TRIP12: variants seen among roughly 807,000 people sequenced by gnomAD.
TRIP12 encodes the protein thyroid hormone receptor interactor 12.
Under a neutral mutation model 244.2 loss-of-function variants are expected in TRIP12, and 25 were observed. The observed-to-expected ratio is 0.10, with a 90% CI of 0.07 to 0.14. The LOEUF (loss-of-function observed/expected upper bound fraction) is 0.14, where lower values mean the gene tolerates loss of function less well. Among genes scored for constraint, TRIP12 ranks in the 10% least tolerant of loss-of-function variants. The pLI, the probability that TRIP12 is intolerant of heterozygous loss-of-function variation, is 1.00. For synonymous variants in TRIP12, 905 were observed against 873.1 expected (o/e 1.04, Z -0.64); for missense variants, 1,677 against 2,486.4 (o/e 0.67, Z 6.92).
chr2:229,836,853 G>T lies in TRIP12; in HGVS notation c.1265C>A (p.Ala422Asp). 1 of 1,588,868 alleles carries T rather than the reference G, an allele frequency of 6.3e-7. No homozygotes were observed. Among genetic ancestry groups the T allele is most frequent in the Non-Finnish European group, 8.5e-7 (1 of 1,172,406 alleles). ...GCTAAGAAGTACCAATCTACCTGCA[G>T]CTCCTTGGGGAGCTTCATCTGTCCG... ...AARTDEAPQG[A>D]AASSSVAGAV... is the part of the protein sequence containing the mutation. The change falls in exon 6 of 42, where the codon GCT (alanine) becomes GAT (aspartate). Residue 422 changes from alanine (A) to aspartate (D), a missense_variant. Ala to Asp is a moderately radical substitution (Grantham distance 126). Around this residue, in one of 11 missense-constraint regions of TRIP12, gnomAD observed 143 missense variants for 215.6 expected, o/e 0.66. Coordinates refer to ENST00000675903, the MANE Select transcript of TRIP12 (RefSeq NM_001348323.3).
intron 39 of TRIP12, 22 bp from the exon 40 acceptor site, chr2:229,769,347 A>G: frequency 1.2e-6 from 2 of 1,610,192 alleles, no homozygotes; most frequent in Non-Finnish European, 1.7e-6. Context: ...AATAAGGGTA[A>G]AAAGAATTAC....
At chr2:229,864,850 C>T (rs774858790) in intron 2 of TRIP12, among the ~76,000 whole-genome samples, 13 of 152,120 alleles carry the variant, frequency 8.5e-5, no homozygotes, top group East Asian at 1.9e-4. Context: ...GGTTATGAAG[C>T]CTCAAATGCC....
intron 1 of TRIP12, among the ~76,000 whole-genome samples, chr2:229,912,670 T>C (rs1452525790): frequency 6.6e-6 from 1 of 152,212 alleles, no homozygotes; most frequent in Non-Finnish European, 1.5e-5. Flanking sequence ...ACCCACTGTA[T>C]AAAACTCGAT....
rs932315328 is a variant in TRIP12 at position 229,802,336 on chromosome 2, G to A, written c.3122C>T (p.Thr1041Ile). The A allele has an allele frequency of 5.6e-6, 9 of 1,613,576 alleles. No individual in the cohort carries two copies. The highest frequency in any genetic ancestry group is 7.6e-6 in the Non-Finnish European group (9 of 1,179,882). The change falls in exon 21 of 42, where the codon ACA becomes ATA. Residue 1041 changes from threonine (T) to isoleucine (I), a missense_variant. Around this residue, in one of 11 missense-constraint regions of TRIP12, gnomAD observed 572 missense variants for 867.8 expected, o/e 0.66. Coordinates refer to ENST00000675903, the MANE Select transcript of TRIP12 (RefSeq NM_001348323.3). ...STTSVSSGTA[T>I]AATHAAADLG... ...GTCAGCTGCAGCATGAGTGGCAGCT[G>A]TGGCTGTCCCACTGCTGACTGAAGT...
intron 27 of TRIP12, among the ~76,000 whole-genome samples, chr2:229,792,466 A>G (rs2041781088): frequency 6.6e-6 from 1 of 152,224 alleles, no homozygotes; most frequent in South Asian, 2.1e-4. Flanking sequence ...CAATTCATTT[A>G]TATCTCATAT....
At chr2:229,816,814 T>C (rs566877282) in intron 9 of TRIP12, among the ~76,000 whole-genome samples, 2 of 152,284 alleles carry the variant, frequency 1.3e-5, no homozygotes, top group South Asian at 2.1e-4. Flanking sequence ...ACAATAACAA[T>C]AAAACAAATG....
chr2:229,865,906 A>G (rs1296508464), intron 2 of TRIP12, among the ~76,000 whole-genome samples: 1 of 152,194 alleles, frequency 6.6e-6, no homozygotes, highest in Non-Finnish European at 1.5e-5. Flanking sequence ...ACACTGAAAC[A>G]CTAGCCCAAA....
At chr2:229,831,818 C>T (rs2053467124) in intron 6 of TRIP12, among the ~76,000 whole-genome samples, 1 of 149,962 alleles carries the variant, frequency 6.7e-6, no homozygotes, top group Non-Finnish European at 1.5e-5. Flanking sequence ...CATATTCCTG[C>T]AAAACTAGCA....
At chr2:229,814,474 C>T (rs2048017565) in intron 11 of TRIP12, 149 bp from the exon 12 acceptor site, 2 of 657,528 alleles carry the variant, frequency 3.0e-6, no homozygotes, top group African/African-American at 1.8e-5. Flanking sequence ...GCAGCTTAAG[C>T]TACAAAGTAT....
intron 34 of TRIP12, among the ~76,000 whole-genome samples, chr2:229,779,996 C>T (rs374565523): frequency 6.6e-6 from 1 of 152,220 alleles, no homozygotes; most frequent in South Asian, 2.1e-4. Context: ...AAGAAGGCAA[C>T]ATTTATAGAT....
intron 1 of TRIP12, among the ~76,000 whole-genome samples, chr2:229,898,481 T>C (rs1435399692): frequency 1.3e-5 from 2 of 152,212 alleles, no homozygotes; most frequent in African/African-American, 4.8e-5. Context: ...GAAATTCATC[T>C]ATGCTCAAGC....
At chr2:229,887,162 C>G (rs914692199) in intron 1 of TRIP12, among the ~76,000 whole-genome samples, 2 of 152,170 alleles carry the variant, frequency 1.3e-5, no homozygotes, top group Admixed American at 6.5e-5. Flanking sequence ...AATTCTGATC[C>G]TTTGCCATTT....
intron 21 of TRIP12, 21 bp from the exon 22 acceptor site, chr2:229,799,404 GAT>G: frequency 6.2e-7 from 1 of 1,604,514 alleles, no homozygotes; most frequent in Non-Finnish European, 8.5e-7. Flanking sequence ...GAAAATATGA[GAT>G]AAGTTTAGCA....
At chr2:229,803,444 TA>T in intron 20 of TRIP12, 126 bp downstream of exon 20, 1 of 639,352 alleles carries the variant, frequency 1.6e-6, no homozygotes, top group Non-Finnish European at 2.6e-6. Flanking sequence ...CACAGAGCTA[TA>T]AGCTAACAGA....
chr2:229,807,798 A>G lies in TRIP12; in HGVS notation c.2406T>C (p.Asn802=), dbSNP rs1175498402. 1 of 1,614,132 alleles carries G rather than the reference A, an allele frequency of 6.2e-7. No homozygotes were observed. Among genetic ancestry groups the G allele is most frequent in the Non-Finnish European group, 8.5e-7 (1 of 1,180,026 alleles). The change falls in exon 17 of 42, where the codon AAT becomes AAC. Residue 802 remains asparagine, a synonymous_variant. Coordinates refer to ENST00000675903, the MANE Select transcript of TRIP12 (RefSeq NM_001348323.3). ...ATATCGCACCATCTGTGTTCTGTGC[A>G]TTTCCCTTCTTCAACATGGTATCAA... is the stretch of plus-strand genomic sequence containing the variant. The part of the protein sequence containing the change: ...FAVDTMLKKG[N]AQNTDGAIWQ...
In TRIP12 at chr2:229,815,291, C is replaced by T. The variant is rs768928717; in HGVS notation, c.1617G>A (p.Met539Ile). The T allele has an allele frequency of 1.4e-6, 2 of 1,461,820 alleles. No individual in the cohort carries two copies. The highest frequency in any genetic ancestry group is 1.9e-6 in the Non-Finnish European group (2 of 1,050,632). 90.6% of individuals were successfully genotyped at this position (1,461,820 alleles called of 1,614,324 possible). Residue 539 changes from methionine to isoleucine, a missense_variant, in exon 10 of 42, where the codon ATG becomes ATA. Coordinates refer to ENST00000675903, the MANE Select transcript of TRIP12 (RefSeq NM_001348323.3). ...TACTTACAATATCAAAATTGTGCTCCATCTGAAGTAACGTAATCTGTTAAA... is the reference window on the plus strand; with the variant it reads ...TACTTACAATATCAAAATTGTGCTCTATCTGAAGTAACGTAATCTGTTAAA... The part of the protein sequence containing the change: ...VVPALITLLQ[M>I]EHNFDIMNHA...
chr2:229,796,539 A>G, intron 25 of TRIP12, 52 bp downstream of exon 25: 1 of 1,429,166 alleles, frequency 7.0e-7, no homozygotes, highest in Non-Finnish European at 9.3e-7. Flanking sequence ...AAATATATGC[A>G]TTAGTGAGCA....
chr2:229,780,330 C>G (rs930401000), intron 34 of TRIP12, among the ~76,000 whole-genome samples: 2 of 152,160 alleles, frequency 1.3e-5, no homozygotes, highest in Non-Finnish European at 2.9e-5. Context: ...AACTAATTAC[C>G]AACTTTACCC....
Position 229,803,292 on chromosome 2 carries a change from T to G in TRIP12, c.2998+279A>C, listed in dbSNP as rs572310820. 9.2e-5 allele frequency among the ~76,000 whole-genome samples: 14 copies of G among 152,324 alleles called. No homozygotes were observed. In the East Asian group the frequency reaches 2.5e-3, roughly 27 times the overall value. ...CCACACCCCGCTAATTTTTGTATTT[T>G]TCTTAAAGACTGGGTTTCACCATGT... On this transcript the variant is annotated intron_variant, in intron 20 of 41. Coordinates refer to ENST00000675903, the MANE Select transcript of TRIP12 (RefSeq NM_001348323.3).
Sources: allele counts gnomAD v4.1 joint callset (sites outside exome capture counted in the v4.1 genomes callset), GRCh38; gene constraint gnomAD v4.1.1; regional missense constraint gnomAD v4.1.1; transcripts MANE v1.5; gene names NCBI Gene and HGNC (gene_info 2026-07-23, HGNC 2026-07-21).